The following HOXB3 variants were observed in gnomAD, a reference collection of about 807,000 sequenced individuals.
HOXB3 encodes homeobox B3.
Under a neutral mutation model 29.2 loss-of-function variants are expected in HOXB3, and 17 were observed. That is an observed-to-expected ratio of 0.58 (90% CI 0.40 to 0.87). The LOEUF (loss-of-function observed/expected upper bound fraction) is 0.87. Ranked by LOEUF, HOXB3 falls within the 40% of genes least tolerant of loss-of-function variation. The pLI is 0.00. For synonymous variants in HOXB3, 317 were observed against 285.9 expected (o/e 1.11, Z -1.10); for missense variants, 637 against 616.3 (o/e 1.03, Z -0.35).
chr17:48,580,194 G>T (rs2069899273), intron 1 of HOXB3: 1 of 275,994 alleles, frequency 3.6e-6, no homozygotes, highest in Admixed American at 6.5e-5. Context: ...TCTCGGTGGC[G>T]CATGAATTAT....
intron 1 of HOXB3, among the ~76,000 whole-genome samples, chr17:48,585,980 C>T (rs1337098021): frequency 6.6e-6 from 1 of 152,278 alleles, no homozygotes; most frequent in African/African-American, 2.4e-5. Context: ...TCAGCCCTAC[C>T]CCACCGGGCT....
chr17:48,563,406 C>G (rs1404715417), intron 2 of HOXB3, among the ~76,000 whole-genome samples: 1 of 152,206 alleles, frequency 6.6e-6, no homozygotes. Flanking sequence ...ATTCTGCAAA[C>G]CCATCCGCAA....
rs927168411 is a variant in HOXB3 at position 48,573,821 on chromosome 17, G to A, written c.-247+16C>T. Reference sequence around the variant, plus strand: ...AAACGATCAAAACACGCCAGCCCGGGCCCGGGCTTTGTTACCTTTGCGCCT... The same window carrying A: ...AAACGATCAAAACACGCCAGCCCGGACCCGGGCTTTGTTACCTTTGCGCCT... On this transcript the variant is annotated intron_variant, in intron 2 of 4. Transcript: ENST00000498678. The A allele has an allele frequency of 2.7e-5, 19 of 701,930 alleles. No individual in the cohort carries two copies. Among genetic ancestry groups the A allele is most frequent in the African/African-American group, 5.2e-5 (3 of 57,186 alleles). The allele number at this position is 701,930 out of a possible 1,614,324, so 43.5% of individuals were successfully genotyped here. A position where few individuals can be genotyped will look rare whatever the true frequency, so the allele number is the denominator to read the frequency against.
intron 3 of HOXB3, 28 bp from the exon 4 acceptor site, chr17:48,552,660 G>T: frequency 1.8e-6 from 1 of 550,616 alleles, no homozygotes; most frequent in Non-Finnish European, 3.2e-6. Context: ...AGACACAAGG[G>T]GGAGAAGAGG....
At chr17:48,586,384 A>C (rs1055547148) in intron 1 of HOXB3, among the ~76,000 whole-genome samples, 31 of 152,190 alleles carry the variant, frequency 2.0e-4, no homozygotes. Flanking sequence ...GCCAAAAGAA[A>C]GAACGAAAGA....
intron 1 of HOXB3, chr17:48,577,067 CG>C: frequency 6.7e-7 from 1 of 1,500,764 alleles, no homozygotes. Flanking sequence ...TTATTGCCCC[CG>C]AAAGAGAGAG....
chr17:48,583,203 A>G (rs2069983961), intron 1 of HOXB3, among the ~76,000 whole-genome samples: 1 of 152,210 alleles, frequency 6.6e-6, no homozygotes, highest in Non-Finnish European at 1.5e-5. Context: ...GAACCCTGAG[A>G]GAGGTGCTGG....
At chr17:48,577,894 G>C in intron 1 of HOXB3, 3 of 1,384,864 alleles carry the variant, frequency 2.2e-6, no homozygotes, top group Non-Finnish European at 2.8e-6. Flanking sequence ...GCATCCAGGG[G>C]TAGACGACGG....
At chr17:48,565,730 G>A (rs1054539619) in intron 2 of HOXB3, among the ~76,000 whole-genome samples, 1 of 152,188 alleles carries the variant, frequency 6.6e-6, no homozygotes, top group African/African-American at 2.4e-5. Flanking sequence ...GGACAAAAGG[G>A]GTAGTTTCCT....
chr17:48,556,421 C>T (rs2068993497), intron 2 of HOXB3: 1 of 152,308 alleles, frequency 6.6e-6, no homozygotes, highest in Admixed American at 6.5e-5. Flanking sequence ...AACCCTCACA[C>T]TCTGGCTCCC....
chr17:48,574,002 C>T lies in HOXB3; in HGVS notation c.-412G>A. On this transcript the variant is annotated 5_prime_UTR_variant, in exon 2 of 5. Transcript: ENST00000498678. ...ACACTTTTTTCCCCCAACAGCCGGTCCAAGGAGATTTGCTGTTGAATAATA... is the reference window on the plus strand; with the variant it reads ...ACACTTTTTTCCCCCAACAGCCGGTTCAAGGAGATTTGCTGTTGAATAATA... 1 of 648,312 alleles carries T rather than the reference C, an allele frequency of 1.5e-6. No individual in the cohort carries two copies. The highest frequency in any genetic ancestry group is 1.7e-5 in the South Asian group (1 of 58,224). 40.2% of individuals were successfully genotyped at this position (648,312 alleles called of 1,614,324 possible).
At position 48,551,888 on chromosome 17, in the gene HOXB3, G is replaced by A. The variant is rs1038946157; in HGVS notation, c.448+139C>T. Reference sequence around the variant, plus strand: ...GGGTCAGGGGTCATTAGGGGGTAGGGGTATCAAAAATGTACCCGCTGGCCA... The same window carrying A: ...GGGTCAGGGGTCATTAGGGGGTAGGAGTATCAAAAATGTACCCGCTGGCCA... On this transcript the variant is annotated intron_variant, in intron 4 of 4. Coordinates refer to ENST00000498678, the MANE Select transcript of HOXB3 (RefSeq NM_001384749.1). The A allele has an allele frequency of 3.4e-5, 26 of 756,818 alleles. No individual in the cohort carries two copies. In the African/African-American group the frequency reaches 4.0e-4, roughly 12 times the overall value. 46.9% of individuals were successfully genotyped at this position (756,818 alleles called of 1,614,324 possible).
chr17:48,586,708 C>G (rs903557210), intron 1 of HOXB3, among the ~76,000 whole-genome samples: 1 of 152,106 alleles, frequency 6.6e-6, no homozygotes, highest in Non-Finnish European at 1.5e-5. Flanking sequence ...TCATTTAACT[C>G]TCTTAATTAA....
rs2070121575 is a variant in HOXB3 at position 48,590,110 on chromosome 17, C to G, written c.-425+15G>C. The stretch of plus-strand genomic sequence containing the variant: ...GAATTGCAAGGGGTAAAAGCGAAAG[C>G]TGAAAGCGACTTACTGCGGGAATGC... On this transcript the variant is annotated intron_variant, in intron 1 of 4. Coordinates refer to ENST00000498678, the MANE Select transcript of HOXB3 (RefSeq NM_001384749.1). The G allele has an allele frequency of 6.6e-6, 1 of 152,264 alleles. No individual in the cohort carries two copies. The highest frequency in any genetic ancestry group is 1.9e-4 in the East Asian group (1 of 5,194). The allele number at this position is 152,264 out of a possible 1,614,324, so 9.4% of individuals were successfully genotyped here.
chr17:48,563,270 A>G (rs968535827), intron 2 of HOXB3, among the ~76,000 whole-genome samples: 1 of 152,202 alleles, frequency 6.6e-6, no homozygotes, highest in Non-Finnish European at 1.5e-5. Context: ...AGAAAAAAGC[A>G]GGAAAGAGCA....
chr17:48,549,323 C>T lies in HOXB3; in HGVS notation c.*1011G>A, dbSNP rs1191114201. On this transcript the variant is annotated 3_prime_UTR_variant, in exon 5 of 5. Transcript: ENST00000498678. ...ACACGCTTTTTTGAGCAATGCTGGA[C>T]TTCTGCAGGCCCAGACATCTCTCAC... is the stretch of plus-strand genomic sequence containing the variant. The T allele has an allele frequency of 6.6e-6, 1 of 152,514 alleles. No individual in the cohort carries two copies. Among genetic ancestry groups the T allele is most frequent in the African/African-American group, 2.4e-5 (1 of 41,408 alleles). The allele number at this position is 152,514 out of a possible 1,614,324, so 9.4% of individuals were successfully genotyped here.
At chr17:48,555,748 C>T (rs1245982886) in intron 2 of HOXB3, 130 bp from the exon 3 acceptor site, 6 of 640,826 alleles carry the variant, frequency 9.4e-6, no homozygotes, top group Non-Finnish European at 1.7e-5. Flanking sequence ...CGCGCGGCGT[C>T]CGCTTCAATT....
intron 2 of HOXB3, among the ~76,000 whole-genome samples, chr17:48,564,293 C>G (rs1212585058): frequency 5.9e-5 from 9 of 151,764 alleles, no homozygotes; most frequent in South Asian, 2.1e-4. Context: ...TGCCAGGCCC[C>G]GGACCCTCGG....
At chr17:48,553,007 ACCCT>A (rs1212071586) in intron 3 of HOXB3, 2 of 152,088 alleles carry the variant, frequency 1.3e-5, no homozygotes, top group African/African-American at 4.8e-5. Context: ...CATCATCAAC[ACCCT>A]CCTCTGAGCC....
Sources: allele counts gnomAD v4.1 joint callset (sites outside exome capture counted in the v4.1 genomes callset), GRCh38; gene constraint gnomAD v4.1.1; transcripts MANE v1.5; gene names NCBI Gene and HGNC (gene_info 2026-07-23, HGNC 2026-07-21).